The following IMMP2L variants were observed in gnomAD, a reference collection of about 807,000 sequenced individuals.
IMMP2L encodes the protein mitochondrial inner membrane protease subunit 2.
A neutral mutation model predicts 19.3 loss-of-function variants in IMMP2L; 18 were observed. That is an observed-to-expected ratio of 0.93 (90% CI 0.64 to 1.38). IMMP2L has a LOEUF of 1.38. Among genes scored for constraint, IMMP2L ranks in the 40% most tolerant of loss-of-function variants. IMMP2L has a pLI of 0.00. For missense variants in IMMP2L, 233 were observed against 218.2 expected (o/e 1.07, Z -0.43); for synonymous variants, 76 against 73.0 (o/e 1.04, Z -0.21).
intron 3 of IMMP2L, among the ~76,000 whole-genome samples, chr7:111,291,990 T>G (rs1355821846): frequency 6.6e-6 from 1 of 152,186 alleles, no homozygotes; most frequent in Non-Finnish European, 1.5e-5. Context: ...TGTGGTGATT[T>G]AAGCTCTTTC....
chr7:111,487,227 G>C lies in IMMP2L; in HGVS notation c.239+11C>G. ...TTATATACAAATATAGTATGCTTCT[G>C]AGTTACTTACACCAATGATACAATG... On this transcript the variant is annotated intron_variant, in intron 3 of 5. Transcript: ENST00000405709. The C allele has an allele frequency of 7.9e-7, 1 of 1,261,410 alleles. No individual in the cohort carries two copies. The highest frequency in any genetic ancestry group is 2.3e-5 in the East Asian group (1 of 43,246). The allele number at this position is 1,261,410 out of a possible 1,614,324, so 78.1% of individuals were successfully genotyped here. A position where few individuals can be genotyped will look rare whatever the true frequency, so the allele number is the denominator to read the frequency against.
chr7:110,975,171 TA>T (rs1820562779), intron 3 of IMMP2L, among the ~76,000 whole-genome samples: 1 of 152,080 alleles, frequency 6.6e-6, no homozygotes, highest in Non-Finnish European at 1.5e-5. Context: ...AACATGAGTT[TA>T]AAAAATAAAA....
chr7:110,986,562 T>C (rs973715726), intron 3 of IMMP2L, among the ~76,000 whole-genome samples: 1 of 152,182 alleles, frequency 6.6e-6, no homozygotes. Flanking sequence ...TTACGAATCT[T>C]GCCTTAGAGC....
intron 3 of IMMP2L, among the ~76,000 whole-genome samples, chr7:111,140,209 A>G (rs1437473750): frequency 6.6e-6 from 1 of 152,136 alleles, no homozygotes; most frequent in African/African-American, 2.4e-5. Context: ...TTCAGAGGAC[A>G]AAGCCTTCTG....
chr7:111,446,189 C>T (rs1434355252), intron 3 of IMMP2L, among the ~76,000 whole-genome samples: 2 of 152,210 alleles, frequency 1.3e-5, no homozygotes, highest in Admixed American at 1.3e-4. Flanking sequence ...GAAGCTCAAA[C>T]TGGGTGGAGC....
At chr7:110,676,384 G>A (rs765549111) in intron 5 of IMMP2L, among the ~76,000 whole-genome samples, 4 of 152,226 alleles carry the variant, frequency 2.6e-5, no homozygotes, top group Non-Finnish European at 4.4e-5. Context: ...AACAGGCAGC[G>A]AGCTGTATTT....
intron 5 of IMMP2L, among the ~76,000 whole-genome samples, chr7:110,804,665 G>A (rs1227152412): frequency 1.3e-5 from 2 of 152,206 alleles, no homozygotes; most frequent in Non-Finnish European, 1.5e-5. Flanking sequence ...CGAAAAGTGA[G>A]GAATGCAATT....
rs568565616 is a variant in IMMP2L at position 111,070,645 on chromosome 7, G to C, written c.240-107080C>G. Among the ~76,000 whole-genome samples, 300 of 152,234 alleles carry C rather than the reference G, an allele frequency of 2.0e-3. 3 individuals carry two copies. Among genetic ancestry groups the C allele is most frequent in the African/African-American group, 7.0e-3 (290 of 41,540 alleles). Reference sequence around the variant, plus strand: ...ATTGAGTTTAAAAGGATTTTCCCTAGTGAGTTGAAATCACTAATACACTGA... The same window carrying C: ...ATTGAGTTTAAAAGGATTTTCCCTACTGAGTTGAAATCACTAATACACTGA... On this transcript the variant is annotated intron_variant, in intron 3 of 5. Transcript: ENST00000405709.
intron 1 of IMMP2L, among the ~76,000 whole-genome samples, chr7:111,532,025 C>G (rs1847439255): frequency 6.6e-6 from 1 of 151,784 alleles, no homozygotes; most frequent in South Asian, 2.1e-4. Flanking sequence ...AAAAAAATCT[C>G]AAGAACCTTT....
chr7:110,753,634 G>C (rs1422599320), intron 5 of IMMP2L, among the ~76,000 whole-genome samples: 6 of 151,800 alleles, frequency 4.0e-5, no homozygotes, highest in Non-Finnish European at 8.8e-5. Flanking sequence ...CACTCATATT[G>C]GTAGATACCA....
intron 3 of IMMP2L, among the ~76,000 whole-genome samples, chr7:111,119,330 A>G (rs1449067311): frequency 6.6e-6 from 1 of 152,182 alleles, no homozygotes; most frequent in Non-Finnish European, 1.5e-5. Context: ...CGGAATTGTA[A>G]CCATCTGTTT....
Position 110,662,809 on chromosome 7 carries a change from C to T in IMMP2L, c.*793G>A, listed in dbSNP as rs965000937. On this transcript the variant is annotated 3_prime_UTR_variant, in exon 6 of 6. Coordinates refer to ENST00000405709, the MANE Select transcript of IMMP2L (RefSeq NM_032549.4). The stretch of plus-strand genomic sequence containing the variant: ...CTGGACTGTTTTTTCTTCTATTTCA[C>T]TCAGAACTTTTAAACACATAGTATG... 6.6e-6 allele frequency among the ~76,000 whole-genome samples: 1 copy of T among 152,134 alleles called. No individual in the cohort carries two copies. Among genetic ancestry groups the T allele is most frequent in the African/African-American group, 2.4e-5 (1 of 41,418 alleles).
At chr7:111,346,935 T>A (rs955620353) in intron 3 of IMMP2L, among the ~76,000 whole-genome samples, 2 of 151,966 alleles carry the variant, frequency 1.3e-5, no homozygotes. Flanking sequence ...ACCTAACTCA[T>A]AGAGATGCTG....
chr7:111,398,895 A>T (rs1278331114), intron 3 of IMMP2L, among the ~76,000 whole-genome samples: 1 of 151,938 alleles, frequency 6.6e-6, no homozygotes, highest in Non-Finnish European at 1.5e-5. Context: ...AAAAAAAAAA[A>T]AAATACTTAG....
At chr7:111,366,485 C>T (rs866349756) in intron 3 of IMMP2L, among the ~76,000 whole-genome samples, 7 of 151,838 alleles carry the variant, frequency 4.6e-5, no homozygotes, top group East Asian at 1.9e-4. Flanking sequence ...GTACAATACA[C>T]GGCTCCATGC....
Position 111,268,569 on chromosome 7 carries a change from C to CT in IMMP2L, c.239+218668dup, listed in dbSNP as rs762576425. ...GATATGAGTTAAACTTCACATTTCT[C>CT]TTTTTTTTTTTTTTTTTTTTTTTTT... is the stretch of plus-strand genomic sequence containing the variant. On this transcript the variant is annotated intron_variant, in intron 3 of 5. Coordinates refer to ENST00000405709, the MANE Select transcript of IMMP2L (RefSeq NM_032549.4). Among the ~76,000 whole-genome samples, 392 of 44,558 alleles carry CT rather than the reference C, an allele frequency of 8.8e-3. 76 individuals carry two copies. Among genetic ancestry groups the CT allele is most frequent in the Non-Finnish European group, 0.013 (340 of 26,610 alleles). 29.2% of individuals were successfully genotyped at this position (44,558 alleles called of 152,430 possible).
At chr7:110,733,803 T>C (rs920929329) in intron 5 of IMMP2L, among the ~76,000 whole-genome samples, 8 of 151,938 alleles carry the variant, frequency 5.3e-5, no homozygotes, top group African/African-American at 1.9e-4. Flanking sequence ...CTCTGGCCCT[T>C]CCTCCATTAT....
At chr7:110,714,473 G>A (rs1436289511) in intron 5 of IMMP2L, among the ~76,000 whole-genome samples, 8 of 152,076 alleles carry the variant, frequency 5.3e-5, no homozygotes, top group Non-Finnish European at 8.8e-5. Flanking sequence ...AATGAGTTAG[G>A]GAAGAATTCC....
intron 3 of IMMP2L, among the ~76,000 whole-genome samples, chr7:111,031,819 GA>G (rs1278619183): frequency 6.6e-6 from 1 of 151,762 alleles, no homozygotes; most frequent in African/African-American, 2.4e-5. Context: ...TGATCAAGGT[GA>G]TAAATCATGT....
Sources: gnomAD v4.1 joint callset for allele counts (sites outside exome capture counted in the v4.1 genomes callset) on GRCh38, gnomAD v4.1.1 for gene constraint, MANE v1.5 for transcripts, NCBI Gene and HGNC (gene_info 2026-07-23, HGNC 2026-07-21) for gene names.